The following SLC9A3 variants were observed in gnomAD, a reference collection of about 807,000 sequenced individuals.
SLC9A3 encodes solute carrier family 9 member A3.
Under a neutral mutation model 86.8 loss-of-function variants are expected in SLC9A3, and 37 were observed. The observed-to-expected ratio is 0.43, with a 90% CI of 0.33 to 0.56. SLC9A3 has a LOEUF of 0.56. SLC9A3 is among the 20% of genes least tolerant of loss of function. SLC9A3 has a pLI of 0.06. For synonymous variants in SLC9A3, 581 were observed against 528.3 expected (o/e 1.10, Z -1.37); for missense variants, 1,011 against 1,171.9 (o/e 0.86, Z 2.00).
intron 2 of SLC9A3, 77 bp from the exon 3 acceptor site, chr5:488,553 T>C: frequency 1.4e-6 from 2 of 1,398,516 alleles, no homozygotes; most frequent in South Asian, 3.0e-5. Flanking sequence ...GGCGCTCGCC[T>C]ACGGGTCGGG....
chr5:516,627 C>G (rs768744975), intron 1 of SLC9A3, among the ~76,000 whole-genome samples: 2 of 152,212 alleles, frequency 1.3e-5, no homozygotes, highest in Non-Finnish European at 2.9e-5. Flanking sequence ...AAGATTTCAG[C>G]TGACAGTGGA....
intron 10 of SLC9A3, 176 bp downstream of exon 10, chr5:479,660 G>A (rs922559691): frequency 9.1e-5 from 56 of 617,376 alleles, no homozygotes; most frequent in East Asian, 8.5e-5. Flanking sequence ...TTTACCCCAC[G>A]AGAGCCCCTG....
intron 10 of SLC9A3, chr5:479,509 A>G (rs991274348): frequency 9.4e-6 from 3 of 318,540 alleles, no homozygotes; most frequent in Non-Finnish European, 1.8e-5. Flanking sequence ...GCAGGGCTGT[A>G]TTGGGACCAG....
chr5:511,705 C>T (rs775348309), intron 1 of SLC9A3, among the ~76,000 whole-genome samples: 3 of 152,376 alleles, frequency 2.0e-5, no homozygotes, highest in Admixed American at 6.5e-5. Flanking sequence ...CAGGGTGGCG[C>T]GGCCACTTGG....
intron 1 of SLC9A3, among the ~76,000 whole-genome samples, chr5:503,076 TA>T (rs1055420073): frequency 6.7e-4 from 102 of 152,230 alleles, no homozygotes; most frequent in African/African-American, 2.4e-3. Flanking sequence ...AAATAGAACT[TA>T]TCAAAGAGAA....
chr5:512,293 CGT>C (rs1733577375), intron 1 of SLC9A3, among the ~76,000 whole-genome samples: 1 of 121,446 alleles, frequency 8.2e-6, no homozygotes, highest in African/African-American at 3.3e-5. Context: ...CGAGCCCTAA[CGT>C]AAACCGTGGA....
intron 1 of SLC9A3, among the ~76,000 whole-genome samples, chr5:514,568 G>A (rs4956948): frequency 1.3e-5 from 2 of 152,030 alleles, no homozygotes; most frequent in South Asian, 4.1e-4. Flanking sequence ...GGTACGGCCC[G>A]CTGAGGGCCC....
Position 472,413 on chromosome 5 carries a change from T to G in SLC9A3, c.*966A>C, listed in dbSNP as rs1238432859. ...ACAGAGCAGCTGCTGGGCCCCACCA[T>G]CCACTTAAGGACTGGCCGTGATTCT... On this transcript the variant is annotated 3_prime_UTR_variant, in exon 17 of 17. Transcript: ENST00000264938. 1.8e-5 allele frequency: 6 copies of G among 333,592 alleles called. No individual in the cohort carries two copies. Among genetic ancestry groups the G allele is most frequent in the Admixed American group, 4.4e-5 (1 of 22,752 alleles). The allele number at this position is 333,592 out of a possible 1,614,324, so 20.7% of individuals were successfully genotyped here.
intron 1 of SLC9A3, among the ~76,000 whole-genome samples, chr5:515,170 A>C (rs1177334499): frequency 6.6e-6 from 1 of 151,152 alleles, no homozygotes; most frequent in East Asian, 1.9e-4. Context: ...CTCCCACCCC[A>C]GAGTCCATGC....
intron 1 of SLC9A3, among the ~76,000 whole-genome samples, chr5:505,225 T>G (rs968434610): frequency 2.6e-3 from 2 of 784 alleles, no homozygotes; most frequent in Non-Finnish European, 2.3e-3. Context: ...TCGAGGGGGG[T>G]GGGGGAGAGT....
rs751780244 is a variant in SLC9A3 at position 482,693 on chromosome 5, A to C, written c.1211T>G (p.Ile404Ser). ...NRYRMVQLEPIDQVVLSYGGL... is the reference protein window; with the variant it reads ...NRYRMVQLEPSDQVVLSYGGL... ...CCCGTAGGACAGGACCACCTGGTCA[A>C]TGGGCTCCAGCTGCACCATGCGGTA... The change falls in exon 7 of 17, where the codon ATT becomes AGT. Residue 404 changes from isoleucine (I) to serine (S), a missense_variant. Coordinates refer to ENST00000264938, the MANE Select transcript of SLC9A3 (RefSeq NM_004174.4). 6.2e-7 allele frequency: 1 copy of C among 1,612,330 alleles called. No homozygotes were observed. The highest frequency in any genetic ancestry group is 1.1e-5 in the South Asian group (1 of 91,028).
intron 5 of SLC9A3, among the ~76,000 whole-genome samples, chr5:483,724 G>C (rs1739331327): frequency 6.6e-6 from 1 of 152,276 alleles, no homozygotes; most frequent in Non-Finnish European, 1.5e-5. Flanking sequence ...CCAGCAGGGA[G>C]GGCAACAAAG....
intron 1 of SLC9A3, among the ~76,000 whole-genome samples, chr5:499,754 C>T (rs1050132685): frequency 5.9e-5 from 9 of 152,184 alleles, no homozygotes; most frequent in African/African-American, 2.2e-4. Context: ...TGGCAGGGCC[C>T]GAGATAATGC....
Position 479,974 on chromosome 5 carries a change from A to C in SLC9A3, c.1518-9T>G. 1 of 1,612,494 alleles carries C rather than the reference A, an allele frequency of 6.2e-7. No homozygotes were observed. The highest frequency in any genetic ancestry group is 2.2e-5 in the East Asian group (1 of 44,834). ...TGTCGAAGTGGGACCACCTGTAGGG[A>C]CAGACCTTGGGTGTGAGCCTCAGGT... On this transcript the variant is annotated splice_polypyrimidine_tract_variant and intron_variant, in intron 9 of 16. Transcript: ENST00000264938.
At chr5:486,282 G>A (rs967984789) in intron 3 of SLC9A3, among the ~76,000 whole-genome samples, 2 of 152,174 alleles carry the variant, frequency 1.3e-5, no homozygotes, top group African/African-American at 2.4e-5. Flanking sequence ...GGATGGTGTC[G>A]GGGCCGGGCC....
At chr5:522,235 C>G (rs1370202611) in intron 1 of SLC9A3, among the ~76,000 whole-genome samples, 1 of 152,224 alleles carries the variant, frequency 6.6e-6, no homozygotes, top group Admixed American at 6.5e-5. Flanking sequence ...GGCAGCCTCC[C>G]CGCCCTCAAG....
chr5:504,971 A>C (rs1740480278), intron 1 of SLC9A3, among the ~76,000 whole-genome samples: 4 of 151,838 alleles, frequency 2.6e-5, no homozygotes, highest in Admixed American at 2.6e-4. Flanking sequence ...CACAGAGCCC[A>C]GTGCTGAGAA....
Position 479,920 on chromosome 5 carries a change from T to G in SLC9A3, c.1563A>C (p.Arg521Ser), listed in dbSNP as rs1386845811. The change falls in exon 10 of 17, where the codon AGA (arginine) becomes AGC (serine). Residue 521 changes from arginine (R) to serine (S), a missense_variant. Arg to Ser is a moderately radical substitution (Grantham distance 110, BLOSUM62 -1). Around this residue, in one of 3 missense-constraint regions of SLC9A3, gnomAD observed 565 missense variants for 790.0 expected, o/e 0.72. Coordinates refer to ENST00000264938, the MANE Select transcript of SLC9A3 (RefSeq NM_004174.4). Reference sequence around the variant, plus strand: ...GGTCTCGAGACTTCTGGGCCGACCGTCTCATGAGGACCCTGCTGAGGAACT... The same window carrying G: ...GGTCTCGAGACTTCTGGGCCGACCGGCTCATGAGGACCCTGCTGAGGAACT... ...DRKFLSRVLM[R>S]RSAQKSRDRI... The G allele has an allele frequency of 6.2e-7, 1 of 1,613,846 alleles. No homozygotes were observed. The highest frequency in any genetic ancestry group is 8.5e-7 in the Non-Finnish European group (1 of 1,179,998).
At chr5:520,611 A>T (rs1481491237) in intron 1 of SLC9A3, among the ~76,000 whole-genome samples, 1 of 151,798 alleles carries the variant, frequency 6.6e-6, no homozygotes, top group Admixed American at 6.6e-5. Context: ...CTCAGATCTG[A>T]CCACATCCAC....
Sources: allele counts gnomAD v4.1 joint callset (sites outside exome capture counted in the v4.1 genomes callset), GRCh38; gene constraint gnomAD v4.1.1; regional missense constraint gnomAD v4.1.1; transcripts MANE v1.5; gene names NCBI Gene and HGNC (gene_info 2026-07-23, HGNC 2026-07-21).